ASCC3: variants seen among roughly 807,000 people sequenced by gnomAD.
ASCC3 encodes activating signal cointegrator 1 complex subunit 3.
ASCC3 carries 158 observed loss-of-function variants against 256.3 expected under a neutral mutation model. The observed-to-expected ratio is 0.62, with a 90% CI of 0.54 to 0.70. ASCC3 has a LOEUF of 0.70. ASCC3 is among the 30% of genes least tolerant of loss of function. The pLI is 0.00. For missense variants in ASCC3, 2,259 were observed against 2,626.0 expected (o/e 0.86, Z 3.05); for synonymous variants, 948 against 883.4 (o/e 1.07, Z -1.30).
intron 36 of ASCC3, among the ~76,000 whole-genome samples, chr6:100,570,096 GTAGAGAAATGT>G (rs1343762375): frequency 2.6e-5 from 4 of 152,122 alleles, no homozygotes; most frequent in African/African-American, 9.7e-5. Context: ...CATTATTGGT[GTAGAGAAATGT>G]TACTGATTTT....
At chr6:100,865,149 G>T (rs1275860084) in intron 2 of ASCC3, among the ~76,000 whole-genome samples, 5 of 152,090 alleles carry the variant, frequency 3.3e-5, no homozygotes, top group Non-Finnish European at 7.4e-5. Flanking sequence ...AAATAAGATT[G>T]GCCATAAAAT....
chr6:100,745,513 A>G (rs1392882649), intron 10 of ASCC3, among the ~76,000 whole-genome samples: 4 of 151,998 alleles, frequency 2.6e-5, no homozygotes, highest in Non-Finnish European at 5.9e-5. Context: ...CCAAAAAAAA[A>G]AAACAAAAAA....
chr6:100,632,543 G>A (rs566948619), intron 25 of ASCC3, among the ~76,000 whole-genome samples: 14 of 152,108 alleles, frequency 9.2e-5, no homozygotes, highest in African/African-American at 2.4e-4. Context: ...CCAGTCAGAC[G>A]CATCACATTT....
chr6:100,793,399 C>T (rs1037068826), intron 8 of ASCC3, among the ~76,000 whole-genome samples: 10 of 151,860 alleles, frequency 6.6e-5, no homozygotes, highest in African/African-American at 2.4e-4. Flanking sequence ...ATTAAAAAGC[C>T]TTTTTCTAAA....
intron 13 of ASCC3, among the ~76,000 whole-genome samples, chr6:100,680,892 T>C (rs1316217016): frequency 2.0e-5 from 3 of 152,142 alleles, no homozygotes; most frequent in African/African-American, 4.8e-5. Flanking sequence ...TATTCAAGAA[T>C]TGTATCTAGT....
intron 11 of ASCC3, among the ~76,000 whole-genome samples, chr6:100,719,894 T>C (rs1779246008): frequency 6.6e-6 from 1 of 151,972 alleles, no homozygotes; most frequent in Non-Finnish European, 1.5e-5. Context: ...ATAAAATAGA[T>C]TTAAGATTTC....
chr6:100,509,479 C>G lies in ASCC3; in HGVS notation c.6516G>C (p.Gln2172His). The part of the protein sequence containing the change: ...MSDCYLGLDQ[Q>H]YDIYLNVTQA... ...GTGTAACGTTGAGATAGATGTCATA[C>G]TGCTGGTCCAGGCCAAGGTAGCAGT... The change falls in exon 42 of 42, where the codon CAG (glutamine) becomes CAC (histidine). Residue 2172 changes from glutamine (Q) to histidine (H), a missense_variant. Physicochemically the swap from Gln to His is conservative, Grantham distance 24. Transcript: ENST00000369162. 6.2e-7 allele frequency: 1 copy of G among 1,614,044 alleles called. No individual in the cohort carries two copies. Among genetic ancestry groups the G allele is most frequent in the African/African-American group, 1.3e-5 (1 of 75,040 alleles).
intron 34 of ASCC3, among the ~76,000 whole-genome samples, chr6:100,591,423 G>A (rs1164416731): frequency 6.6e-6 from 1 of 151,926 alleles, no homozygotes; most frequent in African/African-American, 2.4e-5. Flanking sequence ...AAATTCATCA[G>A]TCAAACTTTC....
In ASCC3 at chr6:100,606,870, A is replaced by C. The variant is rs561416702; in HGVS notation, c.4924-10T>G. 2 of 1,610,754 alleles carry C rather than the reference A, an allele frequency of 1.2e-6. No homozygotes were observed. The highest frequency in any genetic ancestry group is 2.2e-5 in the South Asian group (2 of 90,402). ...TTGTAGCAATAAGAACCTAAAAAGC[A>C]AAATAAAATATCTTATATCTAAGTA... On this transcript the variant is annotated splice_polypyrimidine_tract_variant and intron_variant, in intron 31 of 41. Transcript: ENST00000369162.
intron 4 of ASCC3, among the ~76,000 whole-genome samples, chr6:100,806,197 T>G (rs1436790815): frequency 6.6e-6 from 1 of 152,052 alleles, no homozygotes; most frequent in Admixed American, 6.6e-5. Context: ...TTTAATTTGC[T>G]CTTCAACATA....
At chr6:100,548,006 T>A (rs1405700387) in intron 36 of ASCC3, among the ~76,000 whole-genome samples, 2 of 150,508 alleles carry the variant, frequency 1.3e-5, no homozygotes, top group Non-Finnish European at 3.0e-5. Flanking sequence ...TGAATGAGTA[T>A]CAAAATAATT....
At chr6:100,517,464 C>T (rs915163840) in intron 38 of ASCC3, among the ~76,000 whole-genome samples, 18 of 152,102 alleles carry the variant, frequency 1.2e-4, no homozygotes, top group African/African-American at 3.6e-4. Flanking sequence ...TCCCTGCAAA[C>T]ATATTTCAGT....
At chr6:100,822,649 C>G (rs545038788) in intron 4 of ASCC3, among the ~76,000 whole-genome samples, 2 of 151,908 alleles carry the variant, frequency 1.3e-5, no homozygotes, top group Admixed American at 1.3e-4. Context: ...AAGACCGGTA[C>G]TAAAGAACCT....
At chr6:100,710,675 G>A (rs1231778907) in intron 13 of ASCC3, among the ~76,000 whole-genome samples, 1 of 152,150 alleles carries the variant, frequency 6.6e-6, no homozygotes, top group Non-Finnish European at 1.5e-5. Context: ...AGAAGAGATA[G>A]AGAGGAAAGT....
At chr6:100,650,962 A>G (rs887728213) in intron 19 of ASCC3, among the ~76,000 whole-genome samples, 1 of 151,868 alleles carries the variant, frequency 6.6e-6, no homozygotes, top group Non-Finnish European at 1.5e-5. Context: ...ATTGACATAT[A>G]AAAATTTGAT....
chr6:100,686,802 A>T (rs1185296421), intron 13 of ASCC3, among the ~76,000 whole-genome samples: 1 of 152,120 alleles, frequency 6.6e-6, no homozygotes, highest in African/African-American at 2.4e-5. Flanking sequence ...TATTTATTGA[A>T]CTATGTCCCT....
At chr6:100,730,086 C>A (rs1022600138) in intron 10 of ASCC3, among the ~76,000 whole-genome samples, 1 of 151,868 alleles carries the variant, frequency 6.6e-6, no homozygotes, top group African/African-American at 2.4e-5. Flanking sequence ...GGGAAGATGA[C>A]TTGAGGTCAG....
intron 25 of ASCC3, among the ~76,000 whole-genome samples, chr6:100,638,205 T>C (rs1774939531): frequency 6.6e-6 from 1 of 152,162 alleles, no homozygotes; most frequent in South Asian, 2.1e-4. Context: ...GCAAAACCCT[T>C]CACTAGCAAA....
At chr6:100,545,741 C>T (rs560029669) in intron 36 of ASCC3, among the ~76,000 whole-genome samples, 14 of 152,238 alleles carry the variant, frequency 9.2e-5, no homozygotes, top group African/African-American at 2.6e-4. Flanking sequence ...CCATGCTTGG[C>T]TAATTAAAAA....
Sources: gnomAD v4.1 joint callset for allele counts (sites outside exome capture counted in the v4.1 genomes callset) on GRCh38, gnomAD v4.1.1 for gene constraint, MANE v1.5 for transcripts, NCBI Gene and HGNC (gene_info 2026-07-23, HGNC 2026-07-21) for gene names.